Variants in SLC24A2 observed in about 807,000 individuals in gnomAD.
SLC24A2 encodes the protein sodium/potassium/calcium exchanger 2.
In SLC24A2, 36 loss-of-function variants were observed where a neutral mutation model predicts 62.0. The ratio of observed to expected loss-of-function variants is 0.58; its 90% CI spans 0.44 to 0.77. SLC24A2 has a LOEUF of 0.77. SLC24A2 is among the 30% of genes least tolerant of loss of function. The probability of loss-of-function intolerance (pLI) is 0.00; values close to 1 mark genes in which losing one functional copy is unlikely to be tolerated. For missense variants in SLC24A2, 846 were observed against 817.9 expected (o/e 1.03, Z -0.42); for synonymous variants, 358 against 294.0 (o/e 1.22, Z -2.23).
chr9:20,110,248 T>G, the SLC24A2 span, among the ~76,000 whole-genome samples: 1 of 148,720 alleles, frequency 6.7e-6, no homozygotes, highest in Non-Finnish European at 1.5e-5. Context: ...GAATTTTTAG[T>G]TGCTATATTA....
chr9:19,799,240 A>G, the SLC24A2 span, among the ~76,000 whole-genome samples: 1 of 150,036 alleles, frequency 6.7e-6, no homozygotes, highest in Non-Finnish European at 1.5e-5. Context: ...AGCTTTTTTT[A>G]TTTTATCTAC....
chr9:19,852,504 T>G, the SLC24A2 span, among the ~76,000 whole-genome samples: 3 of 152,304 alleles, frequency 2.0e-5, no homozygotes, highest in South Asian at 6.2e-4. Context: ...ATATAAGGTA[T>G]AAGGAAGGGG....
At chr9:19,795,713 C>T in the SLC24A2 span, among the ~76,000 whole-genome samples, 3 of 152,120 alleles carry the variant, frequency 2.0e-5, no homozygotes, top group South Asian at 6.2e-4. Context: ...ATATTCTCCC[C>T]CCTCCCTCTC....
Position 19,520,954 on chromosome 9 carries a change from C to T in SLC24A2, c.1676G>A (p.Gly559Glu), listed in dbSNP as rs1833170104. The change falls in exon 10 of 11, where the codon GGG becomes GAG. Residue 559 changes from glycine to glutamate, a missense_variant. Coordinates refer to ENST00000341998, the MANE Select transcript of SLC24A2 (RefSeq NM_020344.4). ...GCTGGACACAGCCATGTCCCCTAAC[C>T]CCTTCCGGGCCACTATGACACTGGT... ...LITSVIVARK[G>E]LGDMAVSSSV... The T allele has an allele frequency of 2.5e-6, 4 of 1,614,036 alleles. No individual in the cohort carries two copies. The highest frequency in any genetic ancestry group is 3.4e-6 in the Non-Finnish European group (4 of 1,180,000).
chr9:19,949,272 G>T, the SLC24A2 span, among the ~76,000 whole-genome samples: 1 of 152,068 alleles, frequency 6.6e-6, no homozygotes, highest in South Asian at 2.1e-4. Context: ...GGGATTACAG[G>T]CATGAGCCAC....
intron 2 of SLC24A2, among the ~76,000 whole-genome samples, chr9:19,667,710 A>G (rs1433357291): frequency 6.6e-6 from 1 of 152,124 alleles, no homozygotes; most frequent in African/African-American, 2.4e-5. Flanking sequence ...AGCCCATCAG[A>G]ATGATCTCTT....
At chr9:19,819,369 GC>G in the SLC24A2 span, among the ~76,000 whole-genome samples, 1 of 152,104 alleles carries the variant, frequency 6.6e-6, no homozygotes. Context: ...AAACTAAAGA[GC>G]TTTTGCACGG....
At chr9:20,039,279 AC>A in the SLC24A2 span, among the ~76,000 whole-genome samples, 9 of 152,008 alleles carry the variant, frequency 5.9e-5, no homozygotes, top group Non-Finnish European at 2.9e-5. Flanking sequence ...GTCTAGAGCC[AC>A]CCTGGGCCTG....
the SLC24A2 span, among the ~76,000 whole-genome samples, chr9:20,274,364 C>A: frequency 6.6e-6 from 1 of 152,100 alleles, no homozygotes; most frequent in Non-Finnish European, 1.5e-5. Context: ...TTTTAGCTCG[C>A]ATGAAGGACT....
chr9:19,980,911 G>A, the SLC24A2 span, among the ~76,000 whole-genome samples: 13 of 152,246 alleles, frequency 8.5e-5, no homozygotes, highest in African/African-American at 1.7e-4. Flanking sequence ...TCCATGGGAC[G>A]GATAACTTGT....
chr9:19,690,589 C>G (rs1235027379), intron 2 of SLC24A2, among the ~76,000 whole-genome samples: 1 of 152,130 alleles, frequency 6.6e-6, no homozygotes, highest in Admixed American at 6.5e-5. Flanking sequence ...AAGTTGAATG[C>G]AGAAGACACA....
chr9:19,838,587 C>G, the SLC24A2 span, among the ~76,000 whole-genome samples: 1 of 150,192 alleles, frequency 6.7e-6, no homozygotes, highest in South Asian at 2.1e-4. Context: ...TGCAGTGAGT[C>G]GAGACGGTGC....
At chr9:19,764,684 C>T (rs1822457396) in intron 2 of SLC24A2, among the ~76,000 whole-genome samples, 1 of 152,236 alleles carries the variant, frequency 6.6e-6, no homozygotes, top group South Asian at 2.1e-4. Flanking sequence ...GATTTCCATT[C>T]TTTAGCATTT....
At chr9:19,954,391 G>C in the SLC24A2 span, among the ~76,000 whole-genome samples, 1 of 151,992 alleles carries the variant, frequency 6.6e-6, no homozygotes, top group East Asian at 1.9e-4. Context: ...ATGTAACCAA[G>C]TAATTTACAG....
intron 2 of SLC24A2, among the ~76,000 whole-genome samples, chr9:19,646,562 T>A (rs1166117402): frequency 6.6e-6 from 1 of 152,116 alleles, no homozygotes; most frequent in African/African-American, 2.4e-5. Context: ...GGCCTCAAAT[T>A]GGGTGGGAAT....
chr9:19,535,475 T>C (rs1479237300), intron 8 of SLC24A2, among the ~76,000 whole-genome samples: 1 of 152,234 alleles, frequency 6.6e-6, no homozygotes, highest in East Asian at 1.9e-4. Context: ...CTAGGATTTT[T>C]ACGGTTTTAG....
the SLC24A2 span, among the ~76,000 whole-genome samples, chr9:19,945,373 G>A: frequency 1.1e-4 from 16 of 152,232 alleles, no homozygotes; most frequent in African/African-American, 2.9e-4. Context: ...GGCACAGCAC[G>A]CCTGTGGAAA....
chr9:20,107,531 A>T, the SLC24A2 span, among the ~76,000 whole-genome samples: 2 of 152,208 alleles, frequency 1.3e-5, no homozygotes, highest in East Asian at 1.9e-4. Flanking sequence ...AACCCTCAGA[A>T]ATAATGCCGC....
chr9:20,101,844 A>G, the SLC24A2 span, among the ~76,000 whole-genome samples: 91 of 152,338 alleles, frequency 6.0e-4, no homozygotes, highest in Admixed American at 1.4e-3. Context: ...AGTGATCCCA[A>G]TGGAAACTGT....
Sources: allele counts gnomAD v4.1 joint callset (sites outside exome capture counted in the v4.1 genomes callset), GRCh38; gene constraint gnomAD v4.1.1; transcripts MANE v1.5; gene names NCBI Gene and HGNC (gene_info 2026-07-23, HGNC 2026-07-21).